NRXN3: variants seen among roughly 807,000 people sequenced by gnomAD.
The protein encoded by NRXN3 is neurexin III.
Under a neutral mutation model 137.6 loss-of-function variants are expected in NRXN3, and 32 were observed. That is an observed-to-expected ratio of 0.23 (90% CI 0.18 to 0.31). The LOEUF is 0.31. NRXN3 is among the 10% of genes least tolerant of loss of function. The pLI is 1.00. For missense variants in NRXN3, 1,574 were observed against 2,062.5 expected, an observed-to-expected ratio of 0.76 and a Z score of 4.59; for synonymous variants, 798 against 784.5, an observed-to-expected ratio of 1.02 and a Z score of -0.29.
intron 19 of NRXN3, among the ~76,000 whole-genome samples, chr14:79,707,057 C>A (rs947011698): frequency 1.3e-5 from 2 of 152,058 alleles, no homozygotes; most frequent in Non-Finnish European, 2.9e-5. Flanking sequence ...TGTGTGAGCA[C>A]CATTTATTCA....
At chr14:78,581,791 G>A (rs2097000390) in intron 4 of NRXN3, among the ~76,000 whole-genome samples, 1 of 152,118 alleles carries the variant, frequency 6.6e-6, no homozygotes, top group African/African-American at 2.4e-5. Context: ...CCATATAATA[G>A]CTTACTGGTT....
At chr14:78,359,288 A>T (rs1211906447) in intron 4 of NRXN3, among the ~76,000 whole-genome samples, 1 of 152,044 alleles carries the variant, frequency 6.6e-6, no homozygotes, top group African/African-American at 2.4e-5. Context: ...TCTGGTTTTA[A>T]TTGGTCTCAG....
intron 10 of NRXN3, among the ~76,000 whole-genome samples, chr14:78,815,553 A>G (rs2098930349): frequency 8.5e-6 from 1 of 117,338 alleles, no homozygotes; most frequent in Non-Finnish European, 1.6e-5. Flanking sequence ...CTCCATTTCC[A>G]GTGCTTTGGA....
intron 11 of NRXN3, among the ~76,000 whole-genome samples, chr14:78,960,639 A>G (rs938927388): frequency 6.6e-6 from 1 of 152,206 alleles, no homozygotes; most frequent in Non-Finnish European, 1.5e-5. Context: ...ACATTACTAT[A>G]CCAAGCATAA....
At chr14:79,007,603 A>G (rs2099555876) in intron 15 of NRXN3, among the ~76,000 whole-genome samples, 1 of 151,970 alleles carries the variant, frequency 6.6e-6, no homozygotes. Context: ...CAGGAGATCG[A>G]GACCATCCTG....
intron 20 of NRXN3, among the ~76,000 whole-genome samples, chr14:79,851,805 G>A (rs1413174434): frequency 2.0e-5 from 3 of 152,090 alleles, no homozygotes; most frequent in East Asian, 1.9e-4. Context: ...CTTCCTCTCC[G>A]TGTGCATACA....
intron 19 of NRXN3, among the ~76,000 whole-genome samples, chr14:79,699,511 C>T (rs777560754): frequency 3.9e-5 from 6 of 151,900 alleles, no homozygotes; most frequent in Non-Finnish European, 8.8e-5. Context: ...TAATGTTACA[C>T]GGGGATTCGG....
chr14:79,440,644 A>G (rs558144212), intron 15 of NRXN3, among the ~76,000 whole-genome samples: 245 of 152,300 alleles, frequency 1.6e-3, no homozygotes, highest in Non-Finnish European at 2.8e-3. Context: ...GCCAATACAT[A>G]AAAGATTCTA....
chr14:78,997,469 C>T (rs1051759013), intron 15 of NRXN3, among the ~76,000 whole-genome samples: 1 of 152,176 alleles, frequency 6.6e-6, no homozygotes, highest in African/African-American at 2.4e-5. Context: ...ATGTTAGTCA[C>T]ATACAGGTGC....
intron 20 of NRXN3, among the ~76,000 whole-genome samples, chr14:79,830,686 G>A (rs1179350468): frequency 1.3e-5 from 2 of 152,196 alleles, no homozygotes; most frequent in African/African-American, 4.8e-5. Flanking sequence ...TGAGGAAAAC[G>A]TGTTCATTTT....
chr14:78,934,173 A>C (rs1275326890), intron 10 of NRXN3, among the ~76,000 whole-genome samples: 2 of 151,824 alleles, frequency 1.3e-5, no homozygotes, highest in East Asian at 1.9e-4. Context: ...AAAAAAAAAA[A>C]AAAAAAACCC....
At chr14:78,273,385 T>A (rs563678377) in intron 2 of NRXN3, among the ~76,000 whole-genome samples, 1 of 152,354 alleles carries the variant, frequency 6.6e-6, no homozygotes, top group East Asian at 1.9e-4. Context: ...CAGCCCTCAG[T>A]CAATGTCAGC....
At chr14:78,393,308 A>G (rs1427168748) in intron 4 of NRXN3, among the ~76,000 whole-genome samples, 1 of 152,084 alleles carries the variant, frequency 6.6e-6, no homozygotes, top group Non-Finnish European at 1.5e-5. Flanking sequence ...CTCTATAGTA[A>G]CATCTGGAGA....
rs2099418622 is a variant in NRXN3 at position 79,867,795 on chromosome 14, C to G, written c.*5831C>G. ...AAGAGCAAATAATTCCAAGAGACAC[C>G]AAGCCACAGAGCAGGTAGGATCACG... is the stretch of plus-strand genomic sequence containing the variant. On this transcript the variant is annotated 3_prime_UTR_variant, in exon 21 of 21. Transcript: ENST00000335750. 6.6e-6 allele frequency: 1 copy of G among 152,028 alleles called. No individual in the cohort carries two copies. Among genetic ancestry groups the G allele is most frequent in the East Asian group, 1.9e-4 (1 of 5,188 alleles). 9.4% of individuals were successfully genotyped at this position (152,028 alleles called of 1,614,324 possible). A position where few individuals can be genotyped will look rare whatever the true frequency, so the allele number is the denominator to read the frequency against.
intron 8 of NRXN3, 90 bp from the exon 9 acceptor site, chr14:78,803,530 C>A: frequency 8.5e-7 from 1 of 1,177,382 alleles, no homozygotes; most frequent in Non-Finnish European, 1.3e-6. Context: ...AATCTGGCAC[C>A]CTCTCTACTC....
intron 4 of NRXN3, among the ~76,000 whole-genome samples, chr14:78,368,521 G>T (rs892120761): frequency 6.6e-6 from 1 of 152,130 alleles, no homozygotes; most frequent in Admixed American, 6.5e-5. Flanking sequence ...GTGAAACCCC[G>T]TCTCTACTAA....
At chr14:79,554,215 G>T (rs927452783) in intron 16 of NRXN3, among the ~76,000 whole-genome samples, 4 of 152,136 alleles carry the variant, frequency 2.6e-5, no homozygotes, top group Admixed American at 6.6e-5. Context: ...ATTCCTGAAG[G>T]TCTGCATGTG....
intron 15 of NRXN3, among the ~76,000 whole-genome samples, chr14:79,094,773 C>G (rs1012936137): frequency 7.2e-5 from 11 of 152,088 alleles, no homozygotes; most frequent in African/African-American, 2.7e-4. Context: ...TTAGCTCTCT[C>G]TTAGACTCCA....
chr14:79,838,334 G>A (rs1182458959), intron 20 of NRXN3, among the ~76,000 whole-genome samples: 1 of 152,208 alleles, frequency 6.6e-6, no homozygotes, highest in Admixed American at 6.5e-5. Flanking sequence ...GGGAAGGACT[G>A]TGTGTGAACA....
Sources: allele counts gnomAD v4.1 joint callset (sites outside exome capture counted in the v4.1 genomes callset), GRCh38; gene constraint gnomAD v4.1.1; transcripts MANE v1.5; gene names NCBI Gene and HGNC (gene_info 2026-07-23, HGNC 2026-07-21).